PREX1: variants seen among roughly 807,000 people sequenced by gnomAD.
The protein encoded by PREX1 is phosphatidylinositol-3,4,5-trisphosphate dependent Rac exchange factor 1, also known as phosphatidylinositol 3,4,5-trisphosphate-dependent Rac exchanger 1 protein.
PREX1 carries 41 observed loss-of-function variants against 198.3 expected under a neutral mutation model. That is an observed-to-expected ratio of 0.21 (90% CI 0.16 to 0.27). PREX1 has a LOEUF of 0.27. Among genes scored for constraint, PREX1 ranks in the 10% least tolerant of loss-of-function variants. PREX1 has a pLI of 1.00. For missense variants in PREX1, 1,620 were observed against 2,200.7 expected (o/e 0.74, Z 5.28); for synonymous variants, 843 against 887.2 (o/e 0.95, Z 0.89).
the PREX1 span, among the ~76,000 whole-genome samples, chr20:48,855,216 T>C: frequency 1.6e-4 from 24 of 152,302 alleles, no homozygotes; most frequent in Admixed American, 4.6e-4. Context: ...ATGTAACCAA[T>C]ACATCTTGCC....
chr20:48,845,673 G>T, the PREX1 span, among the ~76,000 whole-genome samples: 1 of 147,524 alleles, frequency 6.8e-6, no homozygotes, highest in East Asian at 2.0e-4. Flanking sequence ...CTACACTCCA[G>T]CCTGGGTGAC....
intron 1 of PREX1, among the ~76,000 whole-genome samples, chr20:48,803,368 A>G (rs13044736): frequency 0.38 from 57,467 of 151,906 alleles, 11,277 homozygotes; most frequent in Non-Finnish European, 0.42. Context: ...GAGGGAGAAC[A>G]GGGAGATGAA....
chr20:48,678,133 G>A (rs1377133456), intron 13 of PREX1, among the ~76,000 whole-genome samples: 5 of 152,208 alleles, frequency 3.3e-5, no homozygotes, highest in Non-Finnish European at 7.3e-5. Context: ...GGCCAACATG[G>A]TGAAACCCCA....
the PREX1 span, among the ~76,000 whole-genome samples, chr20:48,833,045 T>G: frequency 6.6e-6 from 1 of 152,244 alleles, no homozygotes; most frequent in South Asian, 2.1e-4. Flanking sequence ...TGTGTCACTT[T>G]GTGTAAGTGA....
At chr20:48,787,986 G>A (rs1422888779) in intron 1 of PREX1, among the ~76,000 whole-genome samples, 1 of 152,174 alleles carries the variant, frequency 6.6e-6, no homozygotes, top group Non-Finnish European at 1.5e-5. Context: ...GCCGATGTGG[G>A]AGCTAAACTT....
At chr20:48,787,047 G>A (rs1032991970) in intron 1 of PREX1, among the ~76,000 whole-genome samples, 1 of 151,810 alleles carries the variant, frequency 6.6e-6, no homozygotes, top group South Asian at 2.1e-4. Context: ...ACCCTCTGGG[G>A]ACCCATTCTC....
chr20:48,648,748 G>A (rs763487571), intron 25 of PREX1, among the ~76,000 whole-genome samples: 6 of 152,108 alleles, frequency 3.9e-5, no homozygotes, highest in Admixed American at 1.3e-4. Flanking sequence ...CCCATCATTC[G>A]TTGATGATTT....
intron 2 of PREX1, among the ~76,000 whole-genome samples, chr20:48,746,152 C>T (rs1311241467): frequency 6.6e-6 from 1 of 152,200 alleles, no homozygotes; most frequent in Non-Finnish European, 1.5e-5. Flanking sequence ...TCCCGAGTAG[C>T]TGGGAATACA....
chr20:48,785,040 A>G (rs185340363), intron 1 of PREX1, among the ~76,000 whole-genome samples: 246 of 152,070 alleles, frequency 1.6e-3, no homozygotes, highest in African/African-American at 4.7e-3. Flanking sequence ...AAGCCTCCCA[A>G]GTAGCTGGGA....
chr20:48,671,910 A>G (rs1430947637), intron 14 of PREX1, among the ~76,000 whole-genome samples: 2 of 152,246 alleles, frequency 1.3e-5, no homozygotes, highest in Admixed American at 1.3e-4. Flanking sequence ...GGATGGACAC[A>G]TTGCATGGTC....
At chr20:48,792,160 G>C (rs959644023) in intron 1 of PREX1, among the ~76,000 whole-genome samples, 1 of 152,154 alleles carries the variant, frequency 6.6e-6, no homozygotes, top group Non-Finnish European at 1.5e-5. Context: ...AAGGCCCAGG[G>C]CTTGAGGCAT....
chr20:48,802,570 ATC>A (rs951642329), intron 1 of PREX1, among the ~76,000 whole-genome samples: 7 of 152,256 alleles, frequency 4.6e-5, no homozygotes, highest in Admixed American at 1.3e-4. Context: ...TCTAATTCAT[ATC>A]TCTGTGTTAC....
chr20:48,736,745 G>A (rs539552663), intron 3 of PREX1, among the ~76,000 whole-genome samples: 2 of 152,312 alleles, frequency 1.3e-5, no homozygotes, highest in South Asian at 4.2e-4. Context: ...GAGGAAGAAA[G>A]AGTACAACTA....
At chr20:48,641,340 T>C (rs1017630801) in intron 29 of PREX1, among the ~76,000 whole-genome samples, 2 of 152,222 alleles carry the variant, frequency 1.3e-5, no homozygotes, top group Non-Finnish European at 2.9e-5. Flanking sequence ...AATTTATCAT[T>C]ATCATTATGG....
At chr20:48,698,121 C>T (rs1271518101) in intron 7 of PREX1, among the ~76,000 whole-genome samples, 1 of 152,228 alleles carries the variant, frequency 6.6e-6, no homozygotes, top group Non-Finnish European at 1.5e-5. Context: ...TCAAGAGACA[C>T]ATGCGCCCTT....
chr20:48,682,267 C>G (rs1453365341), intron 10 of PREX1, among the ~76,000 whole-genome samples: 2 of 152,224 alleles, frequency 1.3e-5, no homozygotes, highest in East Asian at 3.9e-4. Context: ...TCCTTCAGGT[C>G]TCAGCACAAA....
At chr20:48,802,339 C>T (rs1247166676) in intron 1 of PREX1, among the ~76,000 whole-genome samples, 4 of 152,180 alleles carry the variant, frequency 2.6e-5, no homozygotes, top group South Asian at 2.1e-4. Context: ...CAGATCTCTT[C>T]TCCCACCCAT....
chr20:48,632,696 CCT>C, intron 33 of PREX1, 57 bp from the exon 34 acceptor site: 1 of 1,589,616 alleles, frequency 6.3e-7, no homozygotes, highest in Non-Finnish European at 8.6e-7. Context: ...CAGGGGAAGC[CCT>C]GGCACACCTC....
chr20:48,681,088 T>C, intron 11 of PREX1, 147 bp downstream of exon 11: 1 of 727,188 alleles, frequency 1.4e-6, no homozygotes, highest in Non-Finnish European at 2.4e-6. Flanking sequence ...TACAAGGGCA[T>C]CCATGTTCCT....
Sources: allele counts gnomAD v4.1 joint callset (sites outside exome capture counted in the v4.1 genomes callset), GRCh38; gene constraint gnomAD v4.1.1; transcripts MANE v1.5; gene names NCBI Gene and HGNC (gene_info 2026-07-23, HGNC 2026-07-21).